The following IL1RAPL2 variants were observed in gnomAD, a reference collection of about 807,000 sequenced individuals.
IL1RAPL2 encodes the protein interleukin 1 receptor accessory protein like 2.
IL1RAPL2 carries 3 observed loss-of-function variants against 44.1 expected under a neutral mutation model. The ratio of observed to expected loss-of-function variants is 0.07; its 90% confidence interval spans 0.03 to 0.18. The LOEUF (loss-of-function observed/expected upper bound fraction) is 0.18, where lower values mean the gene tolerates loss of function less well. Among genes scored for constraint, IL1RAPL2 ranks in the 10% least tolerant of loss-of-function variants. The pLI is 1.00. For missense variants in IL1RAPL2, 391 were observed against 496.4 expected (o/e 0.79, Z 2.02); for synonymous variants, 181 against 178.8 (o/e 1.01, Z -0.10).
At chrX:105,467,556 A>C (rs760789757) in intron 5 of IL1RAPL2, among the ~76,000 whole-genome samples, 3 of 111,721 alleles carry the variant, frequency 2.7e-5, no homozygotes, top group Non-Finnish European at 3.8e-5. Flanking sequence ...TGATTCTCTC[A>C]AGCAAAAAGA....
chrX:104,893,908 T>A, intron 2 of IL1RAPL2, among the ~76,000 whole-genome samples: 1 of 112,131 alleles, frequency 8.9e-6, no homozygotes, highest in East Asian at 2.8e-4. Context: ...TTGGCATGTT[T>A]TTGCAGTGGC....
intron 3 of IL1RAPL2, among the ~76,000 whole-genome samples, chrX:105,202,569 T>TGAG: frequency 8.9e-6 from 1 of 112,132 alleles, no homozygotes. Context: ...CTCCTATTTT[T>TGAG]CTAGCTCATT....
intron 2 of IL1RAPL2, among the ~76,000 whole-genome samples, chrX:105,040,802 A>T (rs1175780609): frequency 3.8e-5 from 4 of 105,784 alleles, no homozygotes; most frequent in Non-Finnish European, 5.8e-5. Flanking sequence ...GCGGTCTATC[A>T]ATTTTGTTGA....
At chrX:105,092,611 C>T (rs2032557115) in intron 2 of IL1RAPL2, among the ~76,000 whole-genome samples, 1 of 111,398 alleles carries the variant, frequency 9.0e-6, no homozygotes, top group South Asian at 3.8e-4. Flanking sequence ...TAGACTGATA[C>T]CATCCAATCC....
At chrX:105,133,555 TAAC>T (rs1161510558) in intron 2 of IL1RAPL2, among the ~76,000 whole-genome samples, 1 of 111,738 alleles carries the variant, frequency 8.9e-6, no homozygotes, top group African/African-American at 3.3e-5. Flanking sequence ...GAACCAACAA[TAAC>T]AATAATTACA....
intron 2 of IL1RAPL2, among the ~76,000 whole-genome samples, chrX:105,078,388 C>T (rs2032344820): frequency 9.0e-6 from 1 of 111,152 alleles, no homozygotes; most frequent in African/African-American, 3.3e-5. Context: ...GATCGTTCTT[C>T]TGGAAGTTTT....
chrX:105,712,819 T>C (rs2038222292), intron 6 of IL1RAPL2, among the ~76,000 whole-genome samples: 2 of 112,111 alleles, frequency 1.8e-5, no homozygotes, highest in African/African-American at 6.5e-5. Flanking sequence ...TATGAGTCTG[T>C]AAAATCAAAA....
At chrX:104,896,472 G>T (rs1923652097) in intron 2 of IL1RAPL2, among the ~76,000 whole-genome samples, 2 of 111,659 alleles carry the variant, frequency 1.8e-5, no homozygotes, top group Admixed American at 1.9e-4. Context: ...AGCAGTTGGG[G>T]TGTCCTGTTT....
intron 2 of IL1RAPL2, among the ~76,000 whole-genome samples, chrX:104,677,814 G>T (rs1176777254): frequency 8.9e-6 from 1 of 112,078 alleles, no homozygotes; most frequent in African/African-American, 3.2e-5. Flanking sequence ...CGTTTTTTAA[G>T]CTCGTCGGAA....
intron 2 of IL1RAPL2, among the ~76,000 whole-genome samples, chrX:105,030,035 G>C (rs1177474473): frequency 2.0e-4 from 22 of 111,456 alleles, no homozygotes; most frequent in South Asian, 7.5e-4. Flanking sequence ...TGTTTTTTGG[G>C]GGCATAAATG....
intron 5 of IL1RAPL2, among the ~76,000 whole-genome samples, chrX:105,366,457 A>G (rs1299035900): frequency 9.2e-6 from 1 of 108,689 alleles, no homozygotes; most frequent in Non-Finnish European, 1.9e-5. Flanking sequence ...TAAAATTTTT[A>G]TTTTTTTAAG....
chrX:104,784,910 A>G lies in IL1RAPL2; in HGVS notation c.82+125915A>G, dbSNP rs772944899. Reference sequence around the variant, plus strand: ...AAGAGGAAGAGGACAAAAAAAGGAAACTCAATGTTTATGTTGACAAATCAG... The same window carrying G: ...AAGAGGAAGAGGACAAAAAAAGGAAGCTCAATGTTTATGTTGACAAATCAG... On this transcript the variant is annotated intron_variant, in intron 2 of 10. Coordinates refer to ENST00000372582, the MANE Select transcript of IL1RAPL2 (RefSeq NM_017416.2). Among the ~76,000 whole-genome samples the G allele has an allele frequency of 5.4e-5, 6 of 110,546 alleles. No individual in the cohort carries two copies. In the East Asian group the frequency reaches 1.1e-3, roughly 21 times the overall value.
intron 5 of IL1RAPL2, among the ~76,000 whole-genome samples, chrX:105,327,590 C>T (rs1213367135): frequency 9.0e-6 from 1 of 111,379 alleles, no homozygotes; most frequent in Non-Finnish European, 1.9e-5. Flanking sequence ...TGGAACTATC[C>T]ATGTATATTT....
intron 5 of IL1RAPL2, among the ~76,000 whole-genome samples, chrX:105,324,376 A>G (rs747526234): frequency 9.0e-6 from 1 of 111,134 alleles, no homozygotes; most frequent in Non-Finnish European, 1.9e-5. Context: ...CCCTTAACCT[A>G]TTGACTCAAA....
intron 2 of IL1RAPL2, among the ~76,000 whole-genome samples, chrX:104,938,895 T>C (rs1050844199): frequency 8.9e-6 from 1 of 111,766 alleles, no homozygotes; most frequent in Non-Finnish European, 1.9e-5. Flanking sequence ...TAAATAACCA[T>C]TATGAATGTA....
chrX:105,685,756 T>A (rs371114702), intron 6 of IL1RAPL2, among the ~76,000 whole-genome samples: 4 of 111,355 alleles, frequency 3.6e-5, no homozygotes, highest in South Asian at 7.6e-4. Flanking sequence ...ATTGTCAGAT[T>A]AACCAAGGTT....
At chrX:104,867,611 T>C (rs973820067) in intron 2 of IL1RAPL2, among the ~76,000 whole-genome samples, 10 of 111,625 alleles carry the variant, frequency 9.0e-5, no homozygotes, top group African/African-American at 2.9e-4. Context: ...GCCCAAATAC[T>C]GTGTGAGAGG....
At chrX:105,561,575 C>T (rs2036937728) in intron 6 of IL1RAPL2, among the ~76,000 whole-genome samples, 2 of 111,274 alleles carry the variant, frequency 1.8e-5, no homozygotes, top group Admixed American at 1.9e-4. Context: ...ACAGAGGAAT[C>T]AATATTTATC....
At chrX:105,090,888 G>C (rs977713560) in intron 2 of IL1RAPL2, among the ~76,000 whole-genome samples, 1 of 111,186 alleles carries the variant, frequency 9.0e-6, no homozygotes, top group Admixed American at 9.6e-5. Context: ...AATGATTCTG[G>C]CTCCCTGAAT....
Sources: gnomAD v4.1 joint callset for allele counts (sites outside exome capture counted in the v4.1 genomes callset) on GRCh38, gnomAD v4.1.1 for gene constraint, MANE v1.5 for transcripts, NCBI Gene and HGNC (gene_info 2026-07-23, HGNC 2026-07-21) for gene names.